Variants in UTRN observed in about 807,000 individuals in gnomAD.
UTRN encodes the protein utrophin.
Under a neutral mutation model 463.9 loss-of-function variants are expected in UTRN, and 283 were observed. The ratio of observed to expected loss-of-function variants is 0.61; its 90% CI spans 0.55 to 0.67. The LOEUF (loss-of-function observed/expected upper bound fraction) is 0.67, where lower values mean the gene tolerates loss of function less well. UTRN is among the 30% of genes least tolerant of loss of function. The probability of loss-of-function intolerance (pLI) is 0.00; values close to 1 mark genes in which losing one functional copy is unlikely to be tolerated. For missense variants in UTRN, 3,922 were observed against 4,084.3 expected (o/e 0.96, Z 1.08); for synonymous variants, 1,442 against 1,431.5 (o/e 1.01, Z -0.17).
chr6:144,363,802 T>C (rs559626087), intron 2 of UTRN, among the ~76,000 whole-genome samples: 37 of 152,084 alleles, frequency 2.4e-4, no homozygotes, highest in Non-Finnish European at 4.6e-4. Context: ...GATGGCAATG[T>C]TGGGGCTGGA....
intron 51 of UTRN, among the ~76,000 whole-genome samples, chr6:144,647,989 C>T (rs73778364): frequency 2.5e-4 from 38 of 152,336 alleles, no homozygotes; most frequent in African/African-American, 9.1e-4. Context: ...ATGGTAAACA[C>T]TATGCTATTT....
intron 33 of UTRN, among the ~76,000 whole-genome samples, chr6:144,498,465 A>C (rs900327371): frequency 6.6e-6 from 1 of 152,222 alleles, no homozygotes; most frequent in East Asian, 1.9e-4. Flanking sequence ...ATTTTAAGTT[A>C]AAGTGGTTAA....
chr6:144,435,898 T>C (rs1786491615), intron 9 of UTRN, 37 bp from the exon 10 acceptor site: 12 of 1,605,664 alleles, frequency 7.5e-6, no homozygotes, highest in Non-Finnish European at 1.0e-5. Flanking sequence ...CTTGCTTTGA[T>C]GATTAGTGTG....
chr6:144,524,400 T>C (rs1796378609), intron 41 of UTRN, among the ~76,000 whole-genome samples: 1 of 152,154 alleles, frequency 6.6e-6, no homozygotes, highest in African/African-American at 2.4e-5. Context: ...AATATCCTTC[T>C]TTTTGAGCCC....
chr6:144,445,060 G>A (rs1787523977), intron 14 of UTRN, among the ~76,000 whole-genome samples: 2 of 152,110 alleles, frequency 1.3e-5, no homozygotes. Flanking sequence ...TAAAAAATAA[G>A]TAGATACTGG....
intron 30 of UTRN, 86 bp from the exon 31 acceptor site, chr6:144,489,985 C>T (rs1050697109): frequency 1.3e-6 from 2 of 1,520,950 alleles, no homozygotes; most frequent in Non-Finnish European, 1.8e-6. Flanking sequence ...ATGTATTACA[C>T]AACGATATAG....
At chr6:144,798,265 A>G (rs1476184605) in intron 64 of UTRN, among the ~76,000 whole-genome samples, 2 of 152,204 alleles carry the variant, frequency 1.3e-5, no homozygotes, top group African/African-American at 2.4e-5. Context: ...GGTCACAGAA[A>G]TGATTCATCC....
In UTRN at chr6:144,485,528, C is replaced by T. The variant is rs773582093; in HGVS notation, c.3822+9C>T. The T allele has an allele frequency of 6.2e-7, 1 of 1,613,976 alleles. No homozygotes were observed. Among genetic ancestry groups the T allele is most frequent in the South Asian group, 1.1e-5 (1 of 91,066 alleles). On this transcript the variant is annotated intron_variant, in intron 28 of 74. Transcript: ENST00000367545. ...TCAACGAAGCCCTGGAGGTTGGAACCCGTGATCTCCACGGCATTTCTCTTT... is the reference window on the plus strand; with the variant it reads ...TCAACGAAGCCCTGGAGGTTGGAACTCGTGATCTCCACGGCATTTCTCTTT...
chr6:144,410,913 A>C (rs553582492), intron 3 of UTRN, among the ~76,000 whole-genome samples: 2 of 152,158 alleles, frequency 1.3e-5, no homozygotes, highest in South Asian at 4.1e-4. Flanking sequence ...TGCTGCTATA[A>C]ACATGCATGT....
intron 2 of UTRN, among the ~76,000 whole-genome samples, chr6:144,376,132 G>A (rs1050343362): frequency 1.3e-5 from 2 of 152,094 alleles, no homozygotes; most frequent in African/African-American, 4.8e-5. Context: ...GACTACAGGT[G>A]TGCACCACTA....
intron 53 of UTRN, among the ~76,000 whole-genome samples, chr6:144,707,447 T>C (rs1446814975): frequency 6.6e-6 from 1 of 152,184 alleles, no homozygotes; most frequent in East Asian, 1.9e-4. Flanking sequence ...AACACAGGAA[T>C]AGCATAAAAC....
Position 144,815,364 on chromosome 6 carries a change from T to G in UTRN, c.9358-5518T>G, listed in dbSNP as rs143795017. ...GGGCTGTCTAGAGGGTCAGAACTAA[T>G]AGGATAGATGTATATATGAATGGGA... On this transcript the variant is annotated intron_variant, in intron 65 of 74. Transcript: ENST00000367545. 2.8e-3 allele frequency among the ~76,000 whole-genome samples: 430 copies of G among 152,292 alleles called. 1 individual carries two copies. Among genetic ancestry groups the G allele is most frequent in the Non-Finnish European group, 3.8e-3 (259 of 68,022 alleles).
At chr6:144,385,990 T>C (rs1005228305) in intron 2 of UTRN, among the ~76,000 whole-genome samples, 4 of 152,144 alleles carry the variant, frequency 2.6e-5, no homozygotes, top group African/African-American at 9.7e-5. Context: ...ATTATAGGCA[T>C]GAGCCACTGT....
chr6:144,452,912 A>T (rs1788471840), intron 18 of UTRN, among the ~76,000 whole-genome samples: 1 of 151,412 alleles, frequency 6.6e-6, no homozygotes, highest in South Asian at 2.1e-4. Context: ...ACTGCACCCC[A>T]GCCTGGGTGA....
rs576172412 is a variant in UTRN at position 144,669,029 on chromosome 6, C to T, written c.7480-9377C>T. ...CCACATCTTCATACCCAGCTCTGGT[C>T]CCTGCTTTTCTGTTTGTAATTCACA... On this transcript the variant is annotated intron_variant, in intron 51 of 74. Transcript: ENST00000367545. Among the ~76,000 whole-genome samples, 12 of 152,266 alleles carry T rather than the reference C, an allele frequency of 7.9e-5. No homozygotes were observed. In the East Asian group the frequency reaches 9.7e-4, roughly 12 times the overall value.
chr6:144,375,471 C>T (rs1423989327), intron 2 of UTRN, among the ~76,000 whole-genome samples: 1 of 152,182 alleles, frequency 6.6e-6, no homozygotes, highest in Non-Finnish European at 1.5e-5. Context: ...TTTCCTTAAG[C>T]TTAAAGGGTG....
At position 144,429,724 on chromosome 6, in the gene UTRN, G is replaced by C; in HGVS notation, c.838G>C (p.Glu280Gln). The change falls in exon 9 of 75, where the codon GAG becomes CAG. Residue 280 changes from glutamate (E) to glutamine (Q), a missense_variant. By Grantham distance (29) the Glu-to-Gln change is conservative. Around this residue, in one of 3 missense-constraint regions of UTRN, gnomAD observed 2,349 missense variants for 2,303.8 expected, o/e 1.02. Transcript: ENST00000367545. ...PRKYKKECEE[E>Q]AINIQSTAPE... ...GAAATATAAAAAAGAATGTGAAGAA[G>C]AGGCAATTAATATACAGGTACAGGT... 1 of 1,611,596 alleles carries C rather than the reference G, an allele frequency of 6.2e-7. No individual in the cohort carries two copies. Among genetic ancestry groups the C allele is most frequent in the Non-Finnish European group, 8.5e-7 (1 of 1,179,104 alleles).
At chr6:144,486,004 T>A (rs1035871609) in intron 28 of UTRN, among the ~76,000 whole-genome samples, 1 of 152,224 alleles carries the variant, frequency 6.6e-6, no homozygotes, top group African/African-American at 2.4e-5. Flanking sequence ...TTGAACTCCT[T>A]GAGGCCAAGA....
intron 34 of UTRN, 34 bp from the exon 35 acceptor site, chr6:144,510,910 G>A: frequency 6.8e-7 from 1 of 1,476,528 alleles, no homozygotes. Flanking sequence ...ATATTCTGAA[G>A]CATCAAGTAG....
Sources: gnomAD v4.1 joint callset for allele counts (sites outside exome capture counted in the v4.1 genomes callset) on GRCh38, gnomAD v4.1.1 for gene constraint, gnomAD v4.1.1 regional missense constraint, MANE v1.5 for transcripts, NCBI Gene and HGNC (gene_info 2026-07-23, HGNC 2026-07-21) for gene names.